Variants in ADGRB3 observed in about 807,000 individuals in gnomAD.
ADGRB3 encodes the protein brain-specific angiogenesis inhibitor 3.
ADGRB3 carries 37 observed loss-of-function variants against 193.4 expected under a neutral mutation model. The observed-to-expected ratio is 0.19, with a 90% confidence interval of 0.15 to 0.25. The LOEUF (loss-of-function observed/expected upper bound fraction) is 0.25. ADGRB3 is among the 10% of genes least tolerant of loss of function. The probability of loss-of-function intolerance (pLI) is 1.00; values close to 1 mark genes in which losing one functional copy is unlikely to be tolerated. For synonymous variants in ADGRB3, 690 were observed against 644.2 expected (o/e 1.07, Z -1.08); for missense variants, 1,637 against 1,852.9 (o/e 0.88, Z 2.14).
At chr6:68,945,850 C>T (rs539666418) in intron 6 of ADGRB3, among the ~76,000 whole-genome samples, 2 of 152,098 alleles carry the variant, frequency 1.3e-5, no homozygotes, top group African/African-American at 4.8e-5. Context: ...GGTTGTGGAA[C>T]TTTATCACTC....
chr6:68,833,467 T>A (rs950017357), intron 3 of ADGRB3, among the ~76,000 whole-genome samples: 1 of 151,528 alleles, frequency 6.6e-6, no homozygotes, highest in Admixed American at 6.6e-5. Flanking sequence ...GTTTAAAATT[T>A]GAAAATCGAA....
At chr6:68,911,338 A>T (rs1766703200) in intron 3 of ADGRB3, among the ~76,000 whole-genome samples, 3 of 152,226 alleles carry the variant, frequency 2.0e-5, no homozygotes, top group South Asian at 4.1e-4. Flanking sequence ...TAATGGGTGC[A>T]GCACAACAAC....
rs369524590 is a variant in ADGRB3, at chr6:69,138,765, C to T, written c.2480+62727C>T. 7.1e-4 allele frequency among the ~76,000 whole-genome samples: 108 copies of T among 152,038 alleles called. 1 individual carries two copies. In the South Asian group the frequency reaches 0.017, roughly 24 times the overall value. ...GAGAAATAAGAGTATTTCATTGTAA[C>T]GCTGCCGTTGATACTAAAAAGAACA... On this transcript the variant is annotated intron_variant, in intron 17 of 31. Transcript: ENST00000370598.
chr6:68,895,430 C>T (rs1420817167), intron 3 of ADGRB3, among the ~76,000 whole-genome samples: 1 of 151,912 alleles, frequency 6.6e-6, no homozygotes. Flanking sequence ...TCTAGCCATA[C>T]ACCAAGAGGG....
At chr6:69,352,618 T>C (rs1404370393) in intron 26 of ADGRB3, among the ~76,000 whole-genome samples, 1 of 152,216 alleles carries the variant, frequency 6.6e-6, no homozygotes, top group African/African-American at 2.4e-5. Context: ...AGAGGTCTCA[T>C]TATTGGGCCA....
At chr6:69,272,948 T>A (rs1187858197) in intron 20 of ADGRB3, among the ~76,000 whole-genome samples, 1 of 152,220 alleles carries the variant, frequency 6.6e-6, no homozygotes, top group Non-Finnish European at 1.5e-5. Flanking sequence ...TTGCCCAGGC[T>A]GTAGTGCAAT....
intron 17 of ADGRB3, among the ~76,000 whole-genome samples, chr6:69,203,582 A>C (rs556307672): frequency 6.6e-6 from 1 of 152,090 alleles, no homozygotes; most frequent in Non-Finnish European, 1.5e-5. Flanking sequence ...CACAAGACAA[A>C]GGCAAGTCTT....
At chr6:69,060,015 T>C (rs1269683844) in intron 15 of ADGRB3, among the ~76,000 whole-genome samples, 2 of 151,982 alleles carry the variant, frequency 1.3e-5, no homozygotes, top group East Asian at 3.9e-4. Flanking sequence ...GAAAAAGACA[T>C]GCGTAGAATT....
intron 5 of ADGRB3, among the ~76,000 whole-genome samples, chr6:68,942,016 CT>C (rs980183312): frequency 6.0e-5 from 9 of 150,210 alleles, no homozygotes; most frequent in East Asian, 1.9e-4. Context: ...TTGTCACCCT[CT>C]TTTTTTTTCC....
intron 3 of ADGRB3, among the ~76,000 whole-genome samples, chr6:68,692,866 C>G (rs1168557608): frequency 1.3e-5 from 2 of 150,882 alleles, no homozygotes; most frequent in Non-Finnish European, 3.0e-5. Flanking sequence ...AGATACATAG[C>G]TAGATAGATG....
intron 3 of ADGRB3, among the ~76,000 whole-genome samples, chr6:68,781,224 T>C (rs751398946): frequency 1.3e-5 from 2 of 152,154 alleles, no homozygotes; most frequent in Non-Finnish European, 2.9e-5. Context: ...TTCTGACTTA[T>C]GAGGTCATAA....
chr6:68,977,455 T>C (rs1768782425), intron 10 of ADGRB3, among the ~76,000 whole-genome samples: 1 of 152,180 alleles, frequency 6.6e-6, no homozygotes, highest in African/African-American at 2.4e-5. Context: ...AGTATCACTT[T>C]TGTTGCAGAA....
chr6:69,372,866 C>T (rs543463059), intron 30 of ADGRB3, among the ~76,000 whole-genome samples: 3 of 151,834 alleles, frequency 2.0e-5, no homozygotes, highest in Non-Finnish European at 4.4e-5. Flanking sequence ...CTGAAAATTA[C>T]TTGTTTCATG....
At chr6:68,764,272 T>A (rs1017878625) in intron 3 of ADGRB3, among the ~76,000 whole-genome samples, 5 of 151,990 alleles carry the variant, frequency 3.3e-5, no homozygotes, top group African/African-American at 1.2e-4. Context: ...AAGATACTGT[T>A]AGAAAAAAGA....
rs527374170 is a variant in ADGRB3 at position 68,843,081 on chromosome 6, A to G, written c.758-87478A>G. Among the ~76,000 whole-genome samples the G allele has an allele frequency of 2.6e-5, 4 of 151,540 alleles. No homozygotes were observed. The South Asian group carries it at 6.2e-4, about 24-fold the overall frequency. Reference sequence around the variant, plus strand: ...AAAAAAACAGGAAATGTCGTACTGAATGGGGAAAAACTGAAAGCCTTTCCT... The same window carrying G: ...AAAAAAACAGGAAATGTCGTACTGAGTGGGGAAAAACTGAAAGCCTTTCCT... On this transcript the variant is annotated intron_variant, in intron 3 of 31. Coordinates refer to ENST00000370598, the MANE Select transcript of ADGRB3 (RefSeq NM_001704.3).
At chr6:68,697,728 T>C (rs1313627452) in intron 3 of ADGRB3, among the ~76,000 whole-genome samples, 2 of 151,928 alleles carry the variant, frequency 1.3e-5, no homozygotes, top group African/African-American at 4.8e-5. Context: ...TCTTTAGGAT[T>C]TGGCAAAACA....
At chr6:68,753,063 C>G (rs1422724924) in intron 3 of ADGRB3, among the ~76,000 whole-genome samples, 1 of 152,102 alleles carries the variant, frequency 6.6e-6, no homozygotes, top group East Asian at 1.9e-4. Flanking sequence ...TATAGGACAC[C>G]ACATCATCAG....
chr6:68,940,744 T>C (rs1767619907), intron 5 of ADGRB3, among the ~76,000 whole-genome samples: 2 of 151,772 alleles, frequency 1.3e-5, no homozygotes, highest in African/African-American at 4.8e-5. Flanking sequence ...ATACAAAAAT[T>C]AGCCAGACGT....
chr6:69,159,249 A>T (rs77572170), intron 17 of ADGRB3, among the ~76,000 whole-genome samples: 1 of 152,128 alleles, frequency 6.6e-6, no homozygotes, highest in Admixed American at 6.6e-5. Context: ...GTCTTTCATT[A>T]TTAAGTAGAA....
Sources: gnomAD v4.1 joint callset for allele counts (sites outside exome capture counted in the v4.1 genomes callset) on GRCh38, gnomAD v4.1.1 for gene constraint, MANE v1.5 for transcripts, NCBI Gene and HGNC (gene_info 2026-07-23, HGNC 2026-07-21) for gene names.